The following SLC24A3 variants were observed in gnomAD, a reference collection of about 807,000 sequenced individuals.
The protein encoded by SLC24A3 is sodium/potassium/calcium exchanger 3.
SLC24A3 carries 28 observed loss-of-function variants against 75.8 expected under a neutral mutation model. That is an observed-to-expected ratio of 0.37 (90% CI 0.27 to 0.51). The LOEUF (loss-of-function observed/expected upper bound fraction) is 0.51. SLC24A3 is among the 20% of genes least tolerant of loss of function. The pLI is 0.94. For synonymous variants in SLC24A3, 372 were observed against 334.1 expected (o/e 1.11, Z -1.24); for missense variants, 663 against 847.8 (o/e 0.78, Z 2.71).
At chr20:19,231,561 G>A (rs985477321) in intron 1 of SLC24A3, among the ~76,000 whole-genome samples, 4 of 152,194 alleles carry the variant, frequency 2.6e-5, no homozygotes, top group South Asian at 2.1e-4. Context: ...CAAGGAATGG[G>A]GGGTGCCTCC....
At chr20:19,475,195 C>T (rs764995564) in intron 2 of SLC24A3, among the ~76,000 whole-genome samples, 7 of 151,992 alleles carry the variant, frequency 4.6e-5, no homozygotes, top group East Asian at 1.9e-4. Flanking sequence ...AAAAATTAGC[C>T]GGGCGTGGTG....
chr20:19,212,811 G>T lies in SLC24A3; in HGVS notation c.-32G>T, dbSNP rs1273111801. ...GCCGCCCGCGACAGGAGCGGCCGCC[G>T]CCCGCCGAGGCCGCCGCCCGGCCGC... On this transcript the variant is annotated 5_prime_UTR_variant, in exon 1 of 17. Coordinates refer to ENST00000328041, the MANE Select transcript of SLC24A3 (RefSeq NM_020689.4). The T allele has an allele frequency of 1.0e-6, 1 of 979,058 alleles. No homozygotes were observed. The highest frequency in any genetic ancestry group is 1.2e-6 in the Non-Finnish European group (1 of 827,442). The allele number at this position is 979,058 out of a possible 1,614,324, so 60.6% of individuals were successfully genotyped here.
chr20:19,543,366 G>A (rs752991851), intron 3 of SLC24A3, among the ~76,000 whole-genome samples: 7 of 152,220 alleles, frequency 4.6e-5, no homozygotes, highest in South Asian at 2.1e-4. Flanking sequence ...TTGAAACGGC[G>A]TGTCACAGAC....
intron 3 of SLC24A3, among the ~76,000 whole-genome samples, chr20:19,522,184 C>T (rs2030111451): frequency 6.6e-6 from 1 of 152,144 alleles, no homozygotes; most frequent in African/African-American, 2.4e-5. Context: ...CCTAGAAGGC[C>T]TAGCAATGAA....
intron 2 of SLC24A3, among the ~76,000 whole-genome samples, chr20:19,492,637 G>A (rs1006887730): frequency 1.3e-5 from 2 of 152,060 alleles, no homozygotes; most frequent in Non-Finnish European, 2.9e-5. Context: ...ATATTTACAT[G>A]TTCACCATAT....
chr20:19,383,629 C>T (rs1319322900), intron 2 of SLC24A3, among the ~76,000 whole-genome samples: 1 of 152,130 alleles, frequency 6.6e-6, no homozygotes, highest in East Asian at 1.9e-4. Flanking sequence ...TTATCTGTTC[C>T]ACTTTTGTCT....
chr20:19,658,250 G>A (rs770439519), intron 7 of SLC24A3, among the ~76,000 whole-genome samples: 3 of 151,722 alleles, frequency 2.0e-5, no homozygotes, highest in Non-Finnish European at 4.4e-5. Context: ...GCTGCTGAGG[G>A]GCCGAGGGTT....
chr20:19,386,026 C>A (rs960248297), intron 2 of SLC24A3, among the ~76,000 whole-genome samples: 1 of 152,204 alleles, frequency 6.6e-6, no homozygotes, highest in African/African-American at 2.4e-5. Flanking sequence ...GACATTTTAA[C>A]AGTATTCATT....
At chr20:19,424,188 G>A (rs6046079) in intron 2 of SLC24A3, among the ~76,000 whole-genome samples, 86,254 of 151,892 alleles carry the variant, frequency 0.57, 25,308 homozygotes, top group East Asian at 0.91. Flanking sequence ...TCCTGGGTCC[G>A]GGAGCATAGA....
intron 3 of SLC24A3, among the ~76,000 whole-genome samples, chr20:19,550,046 G>A (rs1197151485): frequency 6.6e-6 from 1 of 152,186 alleles, no homozygotes; most frequent in East Asian, 1.9e-4. Flanking sequence ...TATGTTGTTT[G>A]AGTCACACTT....
At chr20:19,434,475 G>GA (rs1987160420) in intron 2 of SLC24A3, among the ~76,000 whole-genome samples, 1 of 152,116 alleles carries the variant, frequency 6.6e-6, no homozygotes, top group South Asian at 2.1e-4. Flanking sequence ...TTCAATTCTG[G>GA]AAAAAACAGA....
intron 2 of SLC24A3, among the ~76,000 whole-genome samples, chr20:19,466,141 G>C (rs182533784): frequency 1.3e-5 from 2 of 152,346 alleles, no homozygotes; most frequent in Non-Finnish European, 2.9e-5. Context: ...ATGTAGAGAA[G>C]TTTGGCTTTT....
chr20:19,715,171 C>T (rs2033031775), intron 15 of SLC24A3, among the ~76,000 whole-genome samples: 1 of 152,216 alleles, frequency 6.6e-6, no homozygotes, highest in Admixed American at 6.5e-5. Flanking sequence ...TCCCATTCAA[C>T]ATTGACCAGA....
chr20:19,212,771 G>T lies in SLC24A3; in HGVS notation c.-72G>T. 1 of 974,230 alleles carries T rather than the reference G, an allele frequency of 1.0e-6. No individual in the cohort carries two copies. Among genetic ancestry groups the T allele is most frequent in the Non-Finnish European group, 1.2e-6 (1 of 822,908 alleles). The allele number at this position is 974,230 out of a possible 1,614,324, so 60.3% of individuals were successfully genotyped here. A position where few individuals can be genotyped will look rare whatever the true frequency, so the allele number is the denominator to read the frequency against. ...GCTGCGCGCAGGGCTGCCTCCTGCC[G>T]CTGTCCCCGCCGCGGCCGCCCGCGA... is the stretch of plus-strand genomic sequence containing the variant. On this transcript the variant is annotated 5_prime_UTR_variant, in exon 1 of 17. Coordinates refer to ENST00000328041, the MANE Select transcript of SLC24A3 (RefSeq NM_020689.4).
intron 1 of SLC24A3, among the ~76,000 whole-genome samples, chr20:19,227,745 A>G (rs1040084340): frequency 1.8e-4 from 28 of 152,150 alleles, no homozygotes; most frequent in African/African-American, 6.8e-4. Flanking sequence ...TGTTATATTT[A>G]CTCATTAATT....
At chr20:19,363,053 C>A (rs537789340) in intron 2 of SLC24A3, among the ~76,000 whole-genome samples, 1 of 152,222 alleles carries the variant, frequency 6.6e-6, no homozygotes, top group Non-Finnish European at 1.5e-5. Context: ...AGGATAGGAA[C>A]TGACAGGTGT....
At chr20:19,373,194 G>T (rs955966787) in intron 2 of SLC24A3, among the ~76,000 whole-genome samples, 3 of 152,018 alleles carry the variant, frequency 2.0e-5, no homozygotes, top group Admixed American at 6.6e-5. Context: ...GTTTTTGTTT[G>T]TTGCTGGTGT....
intron 2 of SLC24A3, among the ~76,000 whole-genome samples, chr20:19,286,345 T>C (rs530333395): frequency 3.9e-5 from 6 of 152,084 alleles, no homozygotes; most frequent in Admixed American, 1.3e-4. Context: ...CTGTGGTCCA[T>C]AAACAAGAAC....
intron 2 of SLC24A3, among the ~76,000 whole-genome samples, chr20:19,456,390 A>C (rs924348709): frequency 1.3e-5 from 2 of 152,122 alleles, no homozygotes; most frequent in African/African-American, 4.8e-5. Flanking sequence ...AATAAGTCTC[A>C]TGAGATCTGA....
Sources: gnomAD v4.1 joint callset for allele counts (sites outside exome capture counted in the v4.1 genomes callset) on GRCh38, gnomAD v4.1.1 for gene constraint, MANE v1.5 for transcripts, NCBI Gene and HGNC (gene_info 2026-07-23, HGNC 2026-07-21) for gene names.